NEURL1B: variants seen among roughly 807,000 people sequenced by gnomAD.
The protein encoded by NEURL1B is neuralized E3 ubiquitin protein ligase 1B.
In NEURL1B, 13 loss-of-function variants were observed where a neutral mutation model predicts 37.4. The observed-to-expected ratio is 0.35, with a 90% CI of 0.23 to 0.55. The LOEUF is 0.55. NEURL1B is among the 20% of genes least tolerant of loss of function. The pLI, the probability that NEURL1B is intolerant of heterozygous loss-of-function variation, is 0.89. For synonymous variants in NEURL1B, 432 were observed against 426.6 expected (o/e 1.01, Z -0.16); for missense variants, 790 against 879.2 (o/e 0.90, Z 1.28).
intron 1 of NEURL1B, among the ~76,000 whole-genome samples, chr5:172,666,054 G>GAGGTC (rs887430016): frequency 3.9e-5 from 6 of 152,164 alleles, no homozygotes; most frequent in African/African-American, 1.4e-4. Flanking sequence ...AGGGGTGAAG[G>GAGGTC]AGGTCAACAG....
Position 172,683,736 on chromosome 5 carries a change from G to C in NEURL1B, c.895G>C (p.Ala299Pro). The C allele has an allele frequency of 1.5e-6, 2 of 1,342,004 alleles. No individual in the cohort carries two copies. The highest frequency in any genetic ancestry group is 1.9e-6 in the Non-Finnish European group (2 of 1,039,138). 83.1% of individuals were successfully genotyped at this position (1,342,004 alleles called of 1,614,324 possible). A position where few individuals can be genotyped will look rare whatever the true frequency, so the allele number is the denominator to read the frequency against. ...DVSLSADRKV[A>P]CAPRPDGGRT... ...GAGCCTGTCGGCCGACCGCAAAGTG[G>C]CCTGCGCACCGCGGCCCGACGGCGG... The change falls in exon 3 of 5, where the codon GCC becomes CCC. Residue 299 changes from alanine to proline, a missense_variant. By Grantham distance (27) the Ala-to-Pro change is conservative (BLOSUM62 -1). Coordinates refer to ENST00000369800, the MANE Select transcript of NEURL1B (RefSeq NM_001142651.3). This position sits in a 1 kb window ranked among gnomAD's most constrained non-coding sequence, Gnocchi z 5.6.
chr5:172,650,963 T>C (rs1757652043), intron 1 of NEURL1B, among the ~76,000 whole-genome samples: 1 of 152,138 alleles, frequency 6.6e-6, no homozygotes, highest in Non-Finnish European at 1.5e-5. Context: ...ATGGAGCAGA[T>C]AATCTGAATG....
intron 1 of NEURL1B, among the ~76,000 whole-genome samples, chr5:172,660,230 CAG>C (rs1052746973): frequency 5.9e-5 from 9 of 152,330 alleles, no homozygotes; most frequent in Non-Finnish European, 1.2e-4. Flanking sequence ...AGACCACAGT[CAG>C]GGGGCCCGGC....
chr5:172,683,358 G>C lies in NEURL1B; in HGVS notation c.578-61G>C, dbSNP rs565018870. ...TGCAGGAGGCAGCGGGCGAGGAGGG[G>C]CTCGCGACCAGCCTGACGCGCGGCC... On this transcript the variant is annotated intron_variant, in intron 2 of 4. Transcript: ENST00000369800. This position sits in a 1 kb window ranked among gnomAD's most constrained non-coding sequence, Gnocchi z 5.6. 3.2e-6 allele frequency: 4 copies of C among 1,265,038 alleles called. No homozygotes were observed. Among genetic ancestry groups the C allele is most frequent in the African/African-American group, 3.1e-5 (2 of 64,400 alleles). 78.4% of individuals were successfully genotyped at this position (1,265,038 alleles called of 1,614,324 possible). A position where few individuals can be genotyped will look rare whatever the true frequency, so the allele number is the denominator to read the frequency against.
chr5:172,686,205 A>C lies in NEURL1B; in HGVS notation c.1332A>C (p.Pro444=). ...TLQSSPATTT[P]SGSLSGSQDD... ...AGTCCAGCCCTGCGACCACGACTCC[A>C]TCAGGGTCCCTCAGCGGCTCCCAGG... is the stretch of plus-strand genomic sequence containing the variant. The change falls in exon 4 of 5, where the codon CCA becomes CCC. Residue 444 remains proline, a synonymous_variant. Coordinates refer to ENST00000369800, the MANE Select transcript of NEURL1B (RefSeq NM_001142651.3). This position sits in a 1 kb window ranked among gnomAD's most constrained non-coding sequence, Gnocchi z 7.9. The C allele has an allele frequency of 6.4e-7, 1 of 1,551,686 alleles. No individual in the cohort carries two copies. The highest frequency in any genetic ancestry group is 8.7e-7 in the Non-Finnish European group (1 of 1,146,968).
chr5:172,684,284 C>T (rs1758438339), intron 3 of NEURL1B, 146 bp downstream of exon 3: 3 of 675,044 alleles, frequency 4.4e-6, no homozygotes, highest in Non-Finnish European at 4.1e-6. Context: ...TTTAAGCGCC[C>T]GGGCACGATC....
chr5:172,664,333 CTTTGT>C (rs1461861871), intron 1 of NEURL1B, among the ~76,000 whole-genome samples: 6 of 152,020 alleles, frequency 3.9e-5, no homozygotes, highest in Admixed American at 6.6e-5. Flanking sequence ...GTAGGTGAAG[CTTTGT>C]TTTAAGAATT....
rs569809531 is a variant in NEURL1B, at chr5:172,656,724, G to A, written c.32-13061G>A. The A allele has an allele frequency of 2.9e-3, 3,098 of 1,056,972 alleles. 9 individuals carry two copies. The highest frequency in any genetic ancestry group is 4.0e-3 in the Non-Finnish European group (2,766 of 693,832). 65.5% of individuals were successfully genotyped at this position (1,056,972 alleles called of 1,614,324 possible). A position where few individuals can be genotyped will look rare whatever the true frequency, so the allele number is the denominator to read the frequency against. ...TTCGCGGCCGGACATGGCGCCTGCC[G>A]CCGCTTCCCCAGAAGTTAAGTTTAA... On this transcript the variant is annotated intron_variant, in intron 1 of 4. Transcript: ENST00000369800.
chr5:172,683,863 G>A lies in NEURL1B; in HGVS notation c.1022G>A (p.Gly341Asp). The A allele has an allele frequency of 1.4e-6, 2 of 1,385,010 alleles. No homozygotes were observed. The highest frequency in any genetic ancestry group is 9.4e-7 in the Non-Finnish European group (1 of 1,064,578). 85.8% of individuals were successfully genotyped at this position (1,385,010 alleles called of 1,614,324 possible). Residue 341 changes from glycine to aspartate, a missense_variant, in exon 3 of 5, where the codon GGC (glycine) becomes GAC (aspartate). Physicochemically the swap from Gly to Asp is moderately conservative, Grantham distance 94. Around this residue, in one of 3 missense-constraint regions of NEURL1B, gnomAD observed 460 missense variants for 407.4 expected, o/e 1.13. Transcript: ENST00000369800. This position sits in a 1 kb window ranked among gnomAD's most constrained non-coding sequence, Gnocchi z 5.6. ...GLAAPGALAFGITSCDPGVLR... is the reference protein window; with the variant it reads ...GLAAPGALAFDITSCDPGVLR... ...GCGGCGCCCGGCGCGCTGGCCTTCG[G>A]CATCACGTCGTGCGACCCGGGCGTG...
At chr5:172,646,852 G>A (rs1757570763) in intron 1 of NEURL1B, among the ~76,000 whole-genome samples, 1 of 151,850 alleles carries the variant, frequency 6.6e-6, no homozygotes, top group South Asian at 2.1e-4. Flanking sequence ...CCTGAGGGAG[G>A]GGGAGCAGCA....
rs573071213 is a variant in NEURL1B, at chr5:172,686,441, GGGA to G, written c.1423+150_1423+152del. 6.2e-6 allele frequency: 6 copies of G among 972,614 alleles called. No homozygotes were observed. The highest frequency in any genetic ancestry group is 1.7e-5 in the South Asian group (1 of 59,894). The allele number at this position is 972,614 out of a possible 1,614,324, so 60.2% of individuals were successfully genotyped here. ...TCCCTCAGCTGTATGCTCAGCTGGA[GGGA>G]GGAGAAGTGTCTAGATAGGGCATTC... is the stretch of plus-strand genomic sequence containing the variant. On this transcript the variant is annotated intron_variant, in intron 4 of 4. Transcript: ENST00000369800. The surrounding 1 kb of genome is among the most constrained non-coding windows in gnomAD (Gnocchi z 7.9).
At chr5:172,656,922 C>T (rs1168066159) in intron 1 of NEURL1B, among the ~76,000 whole-genome samples, 1 of 152,164 alleles carries the variant, frequency 6.6e-6, no homozygotes, top group East Asian at 1.9e-4. Context: ...AGTCCAAATC[C>T]AGCACAAGCT....
chr5:172,660,730 T>C (rs1488718635), intron 1 of NEURL1B, among the ~76,000 whole-genome samples: 1 of 152,186 alleles, frequency 6.6e-6, no homozygotes, highest in East Asian at 1.9e-4. Flanking sequence ...AACCTCCGCC[T>C]CCTGGGTTCA....
intron 1 of NEURL1B, among the ~76,000 whole-genome samples, chr5:172,669,568 C>T (rs979412517): frequency 2.6e-5 from 4 of 152,090 alleles, no homozygotes; most frequent in African/African-American, 9.7e-5. Context: ...CCTTGGTTCG[C>T]TTATCTGTGG....
chr5:172,679,096 T>C (rs970932517), intron 2 of NEURL1B, among the ~76,000 whole-genome samples: 14 of 152,202 alleles, frequency 9.2e-5, no homozygotes, highest in African/African-American at 3.4e-4. Context: ...AGACTGAAAC[T>C]CCAACTTTGG....
intron 1 of NEURL1B, among the ~76,000 whole-genome samples, chr5:172,643,206 T>C (rs1469220533): frequency 1.3e-5 from 2 of 152,166 alleles, no homozygotes; most frequent in Non-Finnish European, 2.9e-5. Flanking sequence ...TTCAGACTCT[T>C]CTCTGGGGAT....
chr5:172,682,149 C>CGAA (rs2113328866), intron 2 of NEURL1B, among the ~76,000 whole-genome samples: 1 of 152,348 alleles, frequency 6.6e-6, no homozygotes, highest in Admixed American at 6.5e-5. Flanking sequence ...AGGTAATCTA[C>CGAA]TAAAGTACGA....
At position 172,657,211 on chromosome 5, in the gene NEURL1B, G is replaced by A. The variant is rs1287113614; in HGVS notation, c.32-12574G>A. 1.3e-5 allele frequency among the ~76,000 whole-genome samples: 2 copies of A among 152,140 alleles called. No homozygotes were observed. Among genetic ancestry groups the A allele is most frequent in the African/African-American group, 4.8e-5 (2 of 41,404 alleles). On this transcript the variant is annotated intron_variant, in intron 1 of 4. Coordinates refer to ENST00000369800, the MANE Select transcript of NEURL1B (RefSeq NM_001142651.3). The surrounding 1 kb of genome is among the most constrained non-coding windows in gnomAD (Gnocchi z 4.0). ...GCCCCTTACCCTCTCTGGGCCTAAT[G>A]TCCCTATATGTGAAATGGGCTCACA...
At chr5:172,656,730 TC>T in intron 1 of NEURL1B, 1 of 994,632 alleles carries the variant, frequency 1.0e-6, no homozygotes, top group Non-Finnish European at 1.6e-6. Flanking sequence ...TGCCGCCGCT[TC>T]CCCAGAAGTT....
Sources: allele counts gnomAD v4.1 joint callset (sites outside exome capture counted in the v4.1 genomes callset), GRCh38; gene constraint gnomAD v4.1.1; regional missense constraint gnomAD v4.1.1; non-coding constraint Gnocchi (gnomAD v3.1); transcripts MANE v1.5; gene names NCBI Gene and HGNC (gene_info 2026-07-23, HGNC 2026-07-21).